The following DOCK1 variants were observed in gnomAD, a reference collection of about 807,000 sequenced individuals.
DOCK1 encodes dedicator of cytokinesis protein 1.
Under a neutral mutation model 262.7 loss-of-function variants are expected in DOCK1, and 138 were observed. The observed-to-expected ratio is 0.53, with a 90% confidence interval of 0.46 to 0.61. The LOEUF is 0.61. DOCK1 is among the 20% of genes least tolerant of loss of function. The probability of loss-of-function intolerance (pLI) is 0.00; values close to 1 mark genes in which losing one functional copy is unlikely to be tolerated. For synonymous variants in DOCK1, 866 were observed against 867.4 expected (o/e 1.00, Z 0.03); for missense variants, 1,908 against 2,370.7 (o/e 0.80, Z 4.05).
intron 23 of DOCK1, among the ~76,000 whole-genome samples, chr10:127,063,976 A>G (rs2135850295): frequency 6.6e-6 from 1 of 152,346 alleles, no homozygotes; most frequent in Non-Finnish European, 1.5e-5. Flanking sequence ...GTATTATTTC[A>G]CAATAGGTGC....
intron 35 of DOCK1, among the ~76,000 whole-genome samples, chr10:127,375,301 G>A (rs533383647): frequency 1.3e-5 from 2 of 152,324 alleles, no homozygotes; most frequent in East Asian, 3.9e-4. Context: ...GCTGACTCGT[G>A]GCCATAGTAG....
In DOCK1 at chr10:127,429,016, T is replaced by A. The variant is rs866654606; in HGVS notation, c.4914+3005T>A. Among the ~76,000 whole-genome samples the A allele has an allele frequency of 9.5e-4, 131 of 138,110 alleles. 3 individuals are homozygous for A. The highest frequency in any genetic ancestry group is 3.5e-3 in the African/African-American group (126 of 36,010). 90.6% of individuals were successfully genotyped at this position (138,110 alleles called of 152,430 possible). A position where few individuals can be genotyped will look rare whatever the true frequency, so the allele number is the denominator to read the frequency against. Reference sequence around the variant, plus strand: ...GTGTGGATTGGGATGCCGTGTGGATTGGGGTGCCGTGTGGATTGGGGTGTC... The same window carrying A: ...GTGTGGATTGGGATGCCGTGTGGATAGGGGTGCCGTGTGGATTGGGGTGTC... On this transcript the variant is annotated intron_variant, in intron 47 of 51. Transcript: ENST00000623213.
intron 27 of DOCK1, among the ~76,000 whole-genome samples, chr10:127,144,965 TTAGCCAG>T (rs1445409117): frequency 1.1e-4 from 15 of 139,908 alleles, no homozygotes; most frequent in Non-Finnish European, 1.5e-4. Context: ...TAAAAAAGCA[TTAGCCAG>T]ATATCCTAGC....
chr10:126,978,348 C>T (rs1591513770), intron 3 of DOCK1, among the ~76,000 whole-genome samples: 1 of 152,136 alleles, frequency 6.6e-6, no homozygotes. Flanking sequence ...CTTATGTTGT[C>T]CTTAATAATA....
intron 29 of DOCK1, among the ~76,000 whole-genome samples, chr10:127,292,819 C>T (rs1028715665): frequency 2.0e-5 from 3 of 152,044 alleles, no homozygotes; most frequent in Non-Finnish European, 4.4e-5. Flanking sequence ...GAAAACCTGC[C>T]GATGATGTGA....
rs2055145675 is a variant in DOCK1 at position 127,176,322 on chromosome 10, G to A, written c.2847+48558G>A. ...GTCCAGGGCGTATTTCATCTCCAGG[G>A]CCAGGCAGGCGGCGGGTTCCACTTC... is the stretch of plus-strand genomic sequence containing the variant. On this transcript the variant is annotated intron_variant, in intron 27 of 51. Coordinates refer to ENST00000623213, the MANE Select transcript of DOCK1 (RefSeq NM_001290223.2). The surrounding 1 kb of genome is among the most constrained non-coding windows in gnomAD (Gnocchi z 4.4). 1 of 1,613,882 alleles carries A rather than the reference G, an allele frequency of 6.2e-7. No individual in the cohort carries two copies. The highest frequency in any genetic ancestry group is 1.3e-5 in the African/African-American group (1 of 74,902).
intron 27 of DOCK1, among the ~76,000 whole-genome samples, chr10:127,219,657 C>T (rs1041329606): frequency 1.3e-5 from 2 of 152,188 alleles, no homozygotes; most frequent in African/African-American, 4.8e-5. Context: ...CTCTCAGCAC[C>T]TGTAGAACCA....
In DOCK1 at chr10:127,380,186, G is replaced by A. The variant is rs558806045; in HGVS notation, c.3716+64G>A. On this transcript the variant is annotated intron_variant, in intron 36 of 51. Coordinates refer to ENST00000623213, the MANE Select transcript of DOCK1 (RefSeq NM_001290223.2). ...ATAATAATATATGTTGTATGTTTAC[G>A]TATGCTAAGAAATGTGTTATAGCCG... 5.1e-5 allele frequency: 64 copies of A among 1,254,770 alleles called. 1 individual carries two copies. The highest frequency in any genetic ancestry group is 2.0e-4 in the South Asian group (13 of 64,824). 77.7% of individuals were successfully genotyped at this position (1,254,770 alleles called of 1,614,324 possible).
intron 23 of DOCK1, among the ~76,000 whole-genome samples, chr10:127,066,959 AG>A (rs2045916763): frequency 1.3e-5 from 2 of 152,232 alleles, no homozygotes. Flanking sequence ...AGTGTTGCTA[AG>A]TCCTGGCTAT....
At position 127,257,419 on chromosome 10, in the gene DOCK1, G is replaced by A; in HGVS notation, c.3034G>A (p.Val1012Met). The change falls in exon 29 of 52, where the codon GTG (valine) becomes ATG (methionine). Residue 1012 changes from valine to methionine, a missense_variant. This residue lies in a region of DOCK1 where 518 missense variants were observed against 575.1 expected (regional missense o/e 0.90). Transcript: ENST00000623213. ...CTTCGACTGGGTGATCATGAACATG[G>A]TGCAAAATAAGTAAGTGTGGGGAAA... ...YPFDWVIMNM[V>M]QNKVFLRAIN... is the part of the protein sequence containing the mutation. 1.2e-6 allele frequency: 2 copies of A among 1,603,004 alleles called. No homozygotes were observed. Among genetic ancestry groups the A allele is most frequent in the Non-Finnish European group, 1.7e-6 (2 of 1,174,060 alleles).
intron 46 of DOCK1, 102 bp from the exon 47 acceptor site, chr10:127,425,772 C>G: frequency 6.6e-7 from 1 of 1,521,438 alleles, no homozygotes. Context: ...GATTTGGAAA[C>G]CAAAGCAGAT....
Position 127,374,160 on chromosome 10 carries a change from C to T in DOCK1, c.3621C>T (p.Thr1207=). Residue 1207 remains threonine (T), a synonymous_variant, in exon 35 of 52, where the codon ACC becomes ACT. Transcript: ENST00000623213. ...RLMERLLDYR[T]IMHDENKENR... Reference sequence around the variant, plus strand: ...TGGAAAGGCTTTTGGATTATAGAACCATCATGCACGACGAGAACAAAGAAA... The same window carrying T: ...TGGAAAGGCTTTTGGATTATAGAACTATCATGCACGACGAGAACAAAGAAA... 1 of 1,613,758 alleles carries T rather than the reference C, an allele frequency of 6.2e-7. No individual in the cohort carries two copies. The highest frequency in any genetic ancestry group is 1.7e-5 in the Admixed American group (1 of 59,978).
chr10:127,322,678 G>T (rs1298240466), intron 29 of DOCK1, among the ~76,000 whole-genome samples: 2 of 152,216 alleles, frequency 1.3e-5, no homozygotes, highest in Non-Finnish European at 2.9e-5. Flanking sequence ...TTTAAATTTT[G>T]CTGTCTATAC....
At chr10:127,341,851 C>T (rs185423308) in intron 30 of DOCK1, among the ~76,000 whole-genome samples, 23 of 152,298 alleles carry the variant, frequency 1.5e-4, no homozygotes, top group Non-Finnish European at 3.2e-4. Context: ...GGAATCGCTG[C>T]CTGCTGTCGG....
intron 1 of DOCK1, among the ~76,000 whole-genome samples, chr10:126,958,322 C>T (rs961771074): frequency 0.048 from 7,248 of 152,176 alleles, 209 homozygotes; most frequent in Non-Finnish European, 0.06. Context: ...TCATGGTCCA[C>T]GGTCTTTGTG....
At chr10:127,164,183 T>C in intron 27 of DOCK1, among the ~76,000 whole-genome samples, 1 of 80,286 alleles carries the variant, frequency 1.2e-5, no homozygotes, top group African/African-American at 6.2e-5. Context: ...TTTTTTTTTT[T>C]TTTTTTTTTT....
chr10:127,404,895 T>C (rs1565065364), intron 40 of DOCK1, among the ~76,000 whole-genome samples: 1 of 152,184 alleles, frequency 6.6e-6, no homozygotes, highest in Non-Finnish European at 1.5e-5. Context: ...CTACTTTGTG[T>C]CTCTATGAAT....
intron 27 of DOCK1, among the ~76,000 whole-genome samples, chr10:127,141,948 C>T (rs2051301326): frequency 6.6e-6 from 1 of 152,204 alleles, no homozygotes; most frequent in African/African-American, 2.4e-5. Context: ...GCCTGGCTCC[C>T]ATGCCACGGT....
At chr10:127,347,058 A>G (rs112119323) in intron 31 of DOCK1, among the ~76,000 whole-genome samples, 5,264 of 152,342 alleles carry the variant, frequency 0.035, 311 homozygotes, top group African/African-American at 0.12. Flanking sequence ...TCTTCATGCC[A>G]CTTGATAAGC....
Sources: allele counts gnomAD v4.1 joint callset (sites outside exome capture counted in the v4.1 genomes callset), GRCh38; gene constraint gnomAD v4.1.1; regional missense constraint gnomAD v4.1.1; non-coding constraint Gnocchi (gnomAD v3.1); transcripts MANE v1.5; gene names NCBI Gene and HGNC (gene_info 2026-07-23, HGNC 2026-07-21).